The following ITPR2 variants were observed in gnomAD, a reference collection of about 807,000 sequenced individuals.
ITPR2 encodes the protein inositol 1,4,5-trisphosphate receptor type 2, also known as inositol 1,4,5-trisphosphate-gated calcium channel ITPR2.
In ITPR2, 207 loss-of-function variants were observed where a neutral mutation model predicts 317.1. The observed-to-expected ratio is 0.65, with a 90% CI of 0.58 to 0.73. The LOEUF (loss-of-function observed/expected upper bound fraction) is 0.73. ITPR2 is among the 30% of genes least tolerant of loss of function. The probability of loss-of-function intolerance (pLI) is 0.00; values close to 1 mark genes in which losing one functional copy is unlikely to be tolerated. For synonymous variants in ITPR2, 1,156 were observed against 1,149.1 expected, an observed-to-expected ratio of 1.01 and a Z score of -0.12; for missense variants, 2,613 against 3,284.0, an observed-to-expected ratio of 0.80 and a Z score of 4.99.
At position 26,831,474 on chromosome 12, in the gene ITPR2, A is replaced by G. The variant is rs972389906; in HGVS notation, c.92+1216T>C. ...CCAAAGCCTAACAGCTGAAAACAGT[A>G]GCCAGACAGGAGTGGAAACACCAGT... On this transcript the variant is annotated intron_variant, in intron 1 of 56. Coordinates refer to ENST00000381340, the MANE Select transcript of ITPR2 (RefSeq NM_002223.4). The surrounding 1 kb of genome is among the most constrained non-coding windows in gnomAD (Gnocchi z 4.9). Among the ~76,000 whole-genome samples the G allele has an allele frequency of 6.6e-6, 1 of 152,072 alleles. No individual in the cohort carries two copies. Among genetic ancestry groups the G allele is most frequent in the African/African-American group, 2.4e-5 (1 of 41,394 alleles).
chr12:26,352,181 T>C (rs984926648), intron 55 of ITPR2, among the ~76,000 whole-genome samples: 1 of 152,214 alleles, frequency 6.6e-6, no homozygotes, highest in African/African-American at 2.4e-5. Context: ...AGCTCAGTCA[T>C]ATGACCAAAG....
chr12:26,705,155 C>A (rs1055585824), intron 9 of ITPR2, among the ~76,000 whole-genome samples: 1 of 152,122 alleles, frequency 6.6e-6, no homozygotes, highest in East Asian at 1.9e-4. Flanking sequence ...CCCTGGCCTG[C>A]AACTCTGCTT....
chr12:26,360,004 C>T lies in ITPR2; in HGVS notation c.7858-19676G>A, dbSNP rs78466637. Reference sequence around the variant, plus strand: ...AAATTCCTCAAGTTGCCATGGCTCTCGCAATCTACTGATTGAAAATCACTG... The same window carrying T: ...AAATTCCTCAAGTTGCCATGGCTCTTGCAATCTACTGATTGAAAATCACTG... On this transcript the variant is annotated intron_variant, in intron 55 of 56. Coordinates refer to ENST00000381340, the MANE Select transcript of ITPR2 (RefSeq NM_002223.4). 7.0e-3 allele frequency among the ~76,000 whole-genome samples: 1,073 copies of T among 152,270 alleles called. 6 individuals are homozygous for T. The highest frequency in any genetic ancestry group is 0.024 in the African/African-American group (992 of 41,524).
At chr12:26,791,368 G>A (rs1950337414) in intron 1 of ITPR2, among the ~76,000 whole-genome samples, 1 of 145,364 alleles carries the variant, frequency 6.9e-6, no homozygotes, top group Admixed American at 6.8e-5. Flanking sequence ...TTGCAACCTT[G>A]TGGTTTAAAA....
chr12:26,667,855 C>A (rs1426664461), intron 13 of ITPR2, among the ~76,000 whole-genome samples: 2 of 152,094 alleles, frequency 1.3e-5, no homozygotes, highest in Non-Finnish European at 1.5e-5. Flanking sequence ...CATTCAAATG[C>A]CCTGAAAATT....
At chr12:26,815,575 T>C (rs1950838089) in intron 1 of ITPR2, among the ~76,000 whole-genome samples, 1 of 152,196 alleles carries the variant, frequency 6.6e-6, no homozygotes, top group Non-Finnish European at 1.5e-5. Context: ...AAATATATGC[T>C]AAGCAATTCT....
At chr12:26,639,725 G>GT (rs1229800887) in intron 21 of ITPR2, among the ~76,000 whole-genome samples, 22 of 149,956 alleles carry the variant, frequency 1.5e-4, no homozygotes, top group Admixed American at 2.0e-4. Context: ...GCGGTGTTTG[G>GT]TTTTTTGTCC....
At chr12:26,579,074 A>C (rs1362644116) in intron 33 of ITPR2, among the ~76,000 whole-genome samples, 1 of 152,160 alleles carries the variant, frequency 6.6e-6, no homozygotes. Flanking sequence ...TCTTAATCAG[A>C]AAAAAATATG....
At chr12:26,466,791 A>G (rs1019284419) in intron 45 of ITPR2, among the ~76,000 whole-genome samples, 3 of 152,216 alleles carry the variant, frequency 2.0e-5, no homozygotes, top group Non-Finnish European at 4.4e-5. Flanking sequence ...AATAATAGCT[A>G]AACTGTTTGC....
intron 13 of ITPR2, among the ~76,000 whole-genome samples, chr12:26,674,688 T>A (rs1019625954): frequency 1.8e-4 from 28 of 152,114 alleles, no homozygotes; most frequent in African/African-American, 6.5e-4. Flanking sequence ...AAGCCAAAAC[T>A]GACAAATGGG....
At chr12:26,694,504 C>T (rs887154518) in intron 10 of ITPR2, among the ~76,000 whole-genome samples, 1 of 151,856 alleles carries the variant, frequency 6.6e-6, no homozygotes, top group African/African-American at 2.4e-5. Flanking sequence ...TCTGAGATGC[C>T]CCACAGCTCC....
At chr12:26,739,057 C>T (rs966582814) in intron 2 of ITPR2, among the ~76,000 whole-genome samples, 6 of 152,136 alleles carry the variant, frequency 3.9e-5, no homozygotes, top group Non-Finnish European at 7.4e-5. Context: ...CATAAAAATA[C>T]ACTCAATACC....
At chr12:26,769,026 C>CA (rs201911951) in intron 2 of ITPR2, among the ~76,000 whole-genome samples, 54,290 of 149,468 alleles carry the variant, frequency 0.36, 12,455 homozygotes, top group Non-Finnish European at 0.52. Flanking sequence ...CACACACACA[C>CA]CCCAATCTCA....
chr12:26,661,287 GGT>G (rs1269276693), intron 15 of ITPR2, among the ~76,000 whole-genome samples: 2,499 of 87,568 alleles, frequency 0.029, 25 homozygotes, highest in African/African-American at 0.045. Flanking sequence ...GGGGGGGGGG[GGT>G]GGGAGGGAAC....
At position 26,463,248 on chromosome 12, in the gene ITPR2, C is replaced by T. The variant is rs140858743; in HGVS notation, c.6342+12048G>A. ...TAAATAATCATTTTAAGACTTATAA[C>T]ATTGCTTTGGGGTTAGTGGATATTT... On this transcript the variant is annotated intron_variant, in intron 45 of 56. Coordinates refer to ENST00000381340, the MANE Select transcript of ITPR2 (RefSeq NM_002223.4). Among the ~76,000 whole-genome samples, 789 of 152,228 alleles carry T rather than the reference C, an allele frequency of 5.2e-3. 6 individuals carry two copies. Among genetic ancestry groups the T allele is most frequent in the South Asian group, 0.015 (74 of 4,826 alleles).
chr12:26,388,683 A>G lies in ITPR2; in HGVS notation c.7697-1089T>C, dbSNP rs1939739722. ...CTTCACAATGTTGCCCAGCCTGAAGACCTTTTTTAAATAATAAGATATAAA... is the reference window on the plus strand; with the variant it reads ...CTTCACAATGTTGCCCAGCCTGAAGGCCTTTTTTAAATAATAAGATATAAA... On this transcript the variant is annotated intron_variant, in intron 54 of 56. Coordinates refer to ENST00000381340, the MANE Select transcript of ITPR2 (RefSeq NM_002223.4). 2.6e-5 allele frequency among the ~76,000 whole-genome samples: 4 copies of G among 151,614 alleles called. No individual in the cohort carries two copies. In the South Asian group the frequency reaches 8.3e-4, roughly 32 times the overall value.
intron 45 of ITPR2, among the ~76,000 whole-genome samples, chr12:26,453,242 T>C (rs1941784731): frequency 6.6e-6 from 1 of 152,212 alleles, no homozygotes; most frequent in Admixed American, 6.5e-5. Flanking sequence ...TGAGGTATAA[T>C]CTTAATTGGT....
intron 13 of ITPR2, among the ~76,000 whole-genome samples, chr12:26,681,252 T>C (rs1362709781): frequency 1.3e-5 from 2 of 152,220 alleles, no homozygotes; most frequent in African/African-American, 4.8e-5. Flanking sequence ...TTCAAGGCTA[T>C]TTGAAGGATT....
intron 55 of ITPR2, among the ~76,000 whole-genome samples, chr12:26,381,657 G>A (rs1205283147): frequency 6.6e-6 from 1 of 152,224 alleles, no homozygotes; most frequent in Non-Finnish European, 1.5e-5. Context: ...CAACACTGCT[G>A]CAATGTCAGA....
Sources: allele counts gnomAD v4.1 joint callset (sites outside exome capture counted in the v4.1 genomes callset), GRCh38; gene constraint gnomAD v4.1.1; non-coding constraint Gnocchi (gnomAD v3.1); transcripts MANE v1.5; gene names NCBI Gene and HGNC (gene_info 2026-07-23, HGNC 2026-07-21).